RXFP2: variants seen among roughly 807,000 people sequenced by gnomAD.
The protein encoded by RXFP2 is relaxin family peptide receptor 2.
In RXFP2, 68 loss-of-function variants were observed where a neutral mutation model predicts 88.6. That is an observed-to-expected ratio of 0.77 (90% confidence interval 0.63 to 0.94). The LOEUF (loss-of-function observed/expected upper bound fraction) is 0.94, where lower values mean the gene tolerates loss of function less well. RXFP2 is among the 40% of genes least tolerant of loss of function. The pLI, the probability that RXFP2 is intolerant of heterozygous loss-of-function variation, is 0.00. For synonymous variants in RXFP2, 329 were observed against 306.8 expected, an observed-to-expected ratio of 1.07 and a Z score of -0.76; for missense variants, 791 against 893.9, an observed-to-expected ratio of 0.88 and a Z score of 1.47.
In RXFP2 at chr13:31,797,330, G is replaced by A. The variant is rs201811809; in HGVS notation, c.1916G>A (p.Arg639His). ...GGAAGAGAGGTGGCTGTTGCAAATC[G>A]TTTCTTTTTTATAGTGTTCTCTGAT... ...CFGREVAVAN[R>H]FFFIVFSDAI... Residue 639 changes from arginine to histidine, a missense_variant, in exon 17 of 18, where the codon CGT (arginine) becomes CAT (histidine). By Grantham distance (29) the Arg-to-His change is conservative. Transcript: ENST00000298386. The A allele has an allele frequency of 1.5e-4, 245 of 1,613,966 alleles. No individual in the cohort carries two copies. Among genetic ancestry groups the A allele is most frequent in the Non-Finnish European group, 2.0e-4 (235 of 1,180,002 alleles).
At chr13:31,798,641 T>C (rs1425110402) in intron 17 of RXFP2, among the ~76,000 whole-genome samples, 1 of 152,186 alleles carries the variant, frequency 6.6e-6, no homozygotes, top group African/African-American at 2.4e-5. Flanking sequence ...TTGGCCTCCA[T>C]TGCTCATGGA....
intron 1 of RXFP2, among the ~76,000 whole-genome samples, chr13:31,748,314 T>G (rs2138386742): frequency 6.6e-6 from 1 of 152,348 alleles, no homozygotes; most frequent in South Asian, 2.1e-4. Flanking sequence ...TAAACTGTTT[T>G]CCAAAGCAGC....
intron 16 of RXFP2, among the ~76,000 whole-genome samples, chr13:31,795,693 AT>A (rs1873998666): frequency 6.6e-6 from 1 of 152,204 alleles, no homozygotes; most frequent in Non-Finnish European, 1.5e-5. Flanking sequence ...GACTTCACCA[AT>A]CTTACATACA....
intron 11 of RXFP2, among the ~76,000 whole-genome samples, chr13:31,783,035 C>A (rs886888911): frequency 6.6e-6 from 1 of 152,150 alleles, no homozygotes; most frequent in Non-Finnish European, 1.5e-5. Flanking sequence ...GCTTCTTAAA[C>A]ACAGGGATCA....
At chr13:31,767,535 AGAAAG>A (rs1037313170) in intron 5 of RXFP2, among the ~76,000 whole-genome samples, 22 of 152,244 alleles carry the variant, frequency 1.4e-4, no homozygotes, top group African/African-American at 5.1e-4. Context: ...TAGCACTAGC[AGAAAG>A]GAAGGGAAGA....
At chr13:31,742,217 T>C (rs1871248133) in intron 1 of RXFP2, among the ~76,000 whole-genome samples, 1 of 152,162 alleles carries the variant, frequency 6.6e-6, no homozygotes, top group Admixed American at 6.5e-5. Context: ...GCTACTTAAA[T>C]AATTTGCTTA....
chr13:31,748,577 G>T (rs543634500), intron 1 of RXFP2, among the ~76,000 whole-genome samples: 2 of 151,926 alleles, frequency 1.3e-5, no homozygotes. Context: ...TCTATTTACC[G>T]TTCATTTTTC....
chr13:31,759,801 A>G (rs1438752496), intron 2 of RXFP2, among the ~76,000 whole-genome samples: 2 of 152,088 alleles, frequency 1.3e-5, no homozygotes, highest in Non-Finnish European at 2.9e-5. Context: ...AGCAAAGCCC[A>G]CAGCATGCAT....
At chr13:31,755,106 A>T (rs12864143) in intron 1 of RXFP2, among the ~76,000 whole-genome samples, 48,918 of 152,122 alleles carry the variant, frequency 0.32, 8,866 homozygotes, top group Admixed American at 0.43. Context: ...ATGTGAGGAA[A>T]CTAAGATTTA....
intron 3 of RXFP2, 103 bp downstream of exon 3, chr13:31,761,904 G>T: frequency 6.8e-5 from 48 of 707,298 alleles, no homozygotes; most frequent in East Asian, 9.9e-5. Context: ...CAGAATTTCC[G>T]TTTTAGTTCA....
chr13:31,755,540 TA>T (rs1195425477), intron 1 of RXFP2, among the ~76,000 whole-genome samples: 1 of 152,094 alleles, frequency 6.6e-6, no homozygotes, highest in African/African-American at 2.4e-5. Context: ...ATTACTGCCT[TA>T]AAAAATTTCT....
Position 31,793,020 on chromosome 13 carries a change from G to A in RXFP2, c.1718G>A (p.Cys573Tyr), listed in dbSNP as rs760267927. 10 of 1,612,922 alleles carry A rather than the reference G, an allele frequency of 6.2e-6. No individual in the cohort carries two copies. Among genetic ancestry groups the A allele is most frequent in the Admixed American group, 1.7e-5 (1 of 59,948 alleles). Residue 573 changes from cysteine (C) to tyrosine (Y), a missense_variant, in exon 16 of 18, where the codon TGT (cysteine) becomes TAT (tyrosine). Cys to Tyr is a radical substitution (Grantham distance 194, BLOSUM62 -2). Coordinates refer to ENST00000298386, the MANE Select transcript of RXFP2 (RefSeq NM_130806.5). The stretch of plus-strand genomic sequence containing the variant: ...AACTTTTATGGGAAAAATGGAGTAT[G>A]TTTCCCACTTTATTATGACCAAACA... The part of the protein sequence containing the change: ...FGNFYGKNGV[C>Y]FPLYYDQTED...
At chr13:31,752,288 C>G (rs1292063616) in intron 1 of RXFP2, among the ~76,000 whole-genome samples, 3 of 152,104 alleles carry the variant, frequency 2.0e-5, no homozygotes, top group South Asian at 2.1e-4. Flanking sequence ...CCCCCTCCCC[C>G]CCAAAAAATC....
intron 13 of RXFP2, among the ~76,000 whole-genome samples, chr13:31,788,076 T>C (rs1435932225): frequency 6.7e-6 from 1 of 148,574 alleles, no homozygotes; most frequent in Non-Finnish European, 1.5e-5. Context: ...AGGTTAGTAA[T>C]CAAATAATCA....
Position 31,802,536 on chromosome 13 carries a change from G to C in RXFP2, c.*131G>C. On this transcript the variant is annotated 3_prime_UTR_variant, in exon 18 of 18. Coordinates refer to ENST00000298386, the MANE Select transcript of RXFP2 (RefSeq NM_130806.5). ...TCTGCACAGAGAGCACAGCAGAATG[G>C]CTCCTGTCACTGCATTCCAATGGCA... 1 of 998,216 alleles carries C rather than the reference G, an allele frequency of 1.0e-6. No individual in the cohort carries two copies. The highest frequency in any genetic ancestry group is 1.6e-6 in the Non-Finnish European group (1 of 638,028). The allele number at this position is 998,216 out of a possible 1,614,324, so 61.8% of individuals were successfully genotyped here.
chr13:31,786,267 T>A (rs1873533931), intron 11 of RXFP2, 116 bp from the exon 12 acceptor site: 1 of 827,422 alleles, frequency 1.2e-6, no homozygotes. Flanking sequence ...ATCAGGTTGG[T>A]TAAATTGGAT....
chr13:31,788,185 C>G (rs1873637885), intron 13 of RXFP2, among the ~76,000 whole-genome samples: 1 of 151,838 alleles, frequency 6.6e-6, no homozygotes, highest in African/African-American at 2.4e-5. Flanking sequence ...CTTAGAGTCT[C>G]CTGCTAGAGG....
At chr13:31,740,931 A>C (rs1193053957) in intron 1 of RXFP2, among the ~76,000 whole-genome samples, 1 of 152,010 alleles carries the variant, frequency 6.6e-6, no homozygotes, top group East Asian at 1.9e-4. Context: ...TTGAATATTC[A>C]ATTTTATACA....
rs1238243529 is a variant in RXFP2 at position 31,793,093 on chromosome 13, A to G, written c.1786+5A>G. On this transcript the variant is annotated splice_donor_5th_base_variant and intron_variant, in intron 16 of 17. Coordinates refer to ENST00000298386, the MANE Select transcript of RXFP2 (RefSeq NM_130806.5). ...ATTCTCTTGGAATTTTCCTAGGTAA[A>G]TTATATTTTTTCATTTCCTGGAAAA... 2 of 1,603,772 alleles carry G rather than the reference A, an allele frequency of 1.2e-6. No individual in the cohort carries two copies. Among genetic ancestry groups the G allele is most frequent in the Non-Finnish European group, 8.5e-7 (1 of 1,172,100 alleles).
Sources: gnomAD v4.1 joint callset for allele counts (sites outside exome capture counted in the v4.1 genomes callset) on GRCh38, gnomAD v4.1.1 for gene constraint, MANE v1.5 for transcripts, NCBI Gene and HGNC (gene_info 2026-07-23, HGNC 2026-07-21) for gene names.